WDR91: variants seen among roughly 807,000 people sequenced by gnomAD.
WDR91 encodes the protein WD repeat domain 91, also known as WD repeat-containing protein 91.
In WDR91, 52 loss-of-function variants were observed where a neutral mutation model predicts 88.4. The ratio of observed to expected loss-of-function variants is 0.59; its 90% CI spans 0.47 to 0.74. The LOEUF is 0.74. Among genes scored for constraint, WDR91 ranks in the 30% least tolerant of loss-of-function variants. The pLI, the probability that WDR91 is intolerant of heterozygous loss-of-function variation, is 0.00. For missense variants in WDR91, 824 were observed against 954.5 expected (o/e 0.86, Z 1.80); for synonymous variants, 362 against 389.5 (o/e 0.93, Z 0.83).
At chr7:135,193,996 C>A (rs1399255386) in intron 9 of WDR91, 2 of 298,710 alleles carry the variant, frequency 6.7e-6, no homozygotes, top group Non-Finnish European at 1.3e-5. Flanking sequence ...GAAACCCCAG[C>A]TGTTGGAACC....
At chr7:135,190,660 C>A (rs949436196) in intron 11 of WDR91, among the ~76,000 whole-genome samples, 2 of 141,068 alleles carry the variant, frequency 1.4e-5, no homozygotes, top group African/African-American at 5.0e-5. Context: ...AGACTATAAA[C>A]ACGACAAAGC....
Position 135,209,695 on chromosome 7 carries a change from G to A in WDR91, c.184C>T (p.Arg62Trp), listed in dbSNP as rs756257440. 8.7e-6 allele frequency: 14 copies of A among 1,613,326 alleles called. No individual in the cohort carries two copies. Among genetic ancestry groups the A allele is most frequent in the Non-Finnish European group, 1.1e-5 (13 of 1,179,720 alleles). The part of the protein sequence containing the change: ...LMQVYDLAAL[R>W]DYWSYLERRL... Reference sequence around the variant, plus strand: ...CGCTCCAAGTAGCTCCAATAATCCCGAAGGGCAGCCAAGTCATACACCTGC... The same window carrying A: ...CGCTCCAAGTAGCTCCAATAATCCCAAAGGGCAGCCAAGTCATACACCTGC... The change falls in exon 2 of 15, where the codon CGG (arginine) becomes TGG (tryptophan). Residue 62 changes from arginine to tryptophan, a missense_variant. Coordinates refer to ENST00000354475, the MANE Select transcript of WDR91 (RefSeq NM_014149.4).
At chr7:135,195,457 T>C (rs1319403162) in intron 8 of WDR91, among the ~76,000 whole-genome samples, 1 of 152,276 alleles carries the variant, frequency 6.6e-6, no homozygotes, top group African/African-American at 2.4e-5. Context: ...GAAACCCATC[T>C]ACAGCTGAAA....
intron 8 of WDR91, among the ~76,000 whole-genome samples, chr7:135,195,356 G>C (rs1167549858): frequency 6.6e-6 from 1 of 152,244 alleles, no homozygotes; most frequent in East Asian, 1.9e-4. Context: ...CCTGCCCTGA[G>C]GCCATTTGCA....
At chr7:135,187,687 A>G (rs1371132667) in intron 13 of WDR91, among the ~76,000 whole-genome samples, 1 of 152,198 alleles carries the variant, frequency 6.6e-6, no homozygotes, top group Non-Finnish European at 1.5e-5. Flanking sequence ...TTATAAACTC[A>G]GCTTCTTATC....
intron 6 of WDR91, 35 bp from the exon 7 acceptor site, chr7:135,198,186 C>A: frequency 1.3e-6 from 2 of 1,596,712 alleles, no homozygotes; most frequent in South Asian, 1.1e-5. Context: ...AAGTCTCTTC[C>A]CATCTGCCCA....
intron 4 of WDR91, among the ~76,000 whole-genome samples, chr7:135,206,555 A>G (rs1306970522): frequency 6.6e-6 from 1 of 152,100 alleles, no homozygotes; most frequent in African/African-American, 2.4e-5. Flanking sequence ...TAACAATATC[A>G]CCTAAGGAGA....
At chr7:135,204,225 C>G (rs752461844) in intron 6 of WDR91, 43 bp downstream of exon 6, 1 of 1,602,850 alleles carries the variant, frequency 6.2e-7, no homozygotes, top group East Asian at 2.2e-5. Flanking sequence ...GGAGCTGTCA[C>G]GGCCTTCTTG....
chr7:135,209,910 G>T, intron 1 of WDR91, 155 bp from the exon 2 acceptor site: 1 of 553,022 alleles, frequency 1.8e-6, no homozygotes, highest in East Asian at 3.4e-5. Context: ...CTAATGCAAC[G>T]GTTTTTCAGT....
rs1298452671 is a variant in WDR91, at chr7:135,187,062, C to G, written c.1989G>C (p.Gln663His). The change falls in exon 14 of 15, where the codon CAG (glutamine) becomes CAC (histidine). Residue 663 changes from glutamine to histidine, a missense_variant. Coordinates refer to ENST00000354475, the MANE Select transcript of WDR91 (RefSeq NM_014149.4). ...AGAGTCGGCCCCTGGGGACTTGAAC[C>G]TGCTTGTAGCCGCTGTATCCAGACA... ...FVLSGYSGYK[Q>H]VQVPRGRLFA... 2.5e-6 allele frequency: 4 copies of G among 1,614,270 alleles called. No individual in the cohort carries two copies. The highest frequency in any genetic ancestry group is 2.5e-6 in the Non-Finnish European group (3 of 1,180,056).
chr7:135,204,243 T>C (rs749957531), intron 6 of WDR91, 25 bp downstream of exon 6: 1 of 1,610,218 alleles, frequency 6.2e-7, no homozygotes, highest in Admixed American at 1.7e-5. Flanking sequence ...TTGGCCAGAG[T>C]TAGAGAGGCA....
chr7:135,195,065 T>A lies in WDR91; in HGVS notation c.1264A>T (p.Arg422Ter). The A allele has an allele frequency of 6.2e-7, 1 of 1,613,446 alleles. No homozygotes were observed. The highest frequency in any genetic ancestry group is 1.7e-4 in the Middle Eastern group (1 of 5,862). Residue 422 changes from arginine to a stop codon, truncating the protein, a stop_gained, in exon 9 of 15, where the codon AGA becomes TGA. Coordinates refer to ENST00000354475, the MANE Select transcript of WDR91 (RefSeq NM_014149.4). LOFTEE classifies it high-confidence loss of function. Reference protein sequence around the residue: ...MHCRVDCSGRRVASLDVDGVI... With the variant: ...MHCRVDCSGR ...CCATCTACGTCTAAGCTGGCGACTC[T>A]CCTCCCAGAGCAGTCCACTCTGAGA...
rs1163019493 is a variant in WDR91 at position 135,188,533 on chromosome 7, T to A, written c.1781A>T (p.His594Leu). The change falls in exon 13 of 15, where the codon CAT becomes CTT. Residue 594 changes from histidine to leucine, a missense_variant. His to Leu is a moderately conservative substitution (Grantham distance 99). Transcript: ENST00000354475. ...GVIRLFDMQQHECAMSWRAHY... is the reference protein window; with the variant it reads ...GVIRLFDMQQLECAMSWRAHY... ...GGCCCTCCAGCTCATCGCGCACTCA[T>A]GCTGCTGCATGTCTGAGGCAATGAG... The A allele has an allele frequency of 3.1e-6, 5 of 1,613,466 alleles. No individual in the cohort carries two copies. The highest frequency in any genetic ancestry group is 4.2e-6 in the Non-Finnish European group (5 of 1,179,934).
At chr7:135,211,317 G>C (rs1832009708) in intron 1 of WDR91, 63 bp downstream of exon 1, 1 of 1,552,674 alleles carries the variant, frequency 6.4e-7, no homozygotes, top group African/African-American at 1.4e-5. Flanking sequence ...AGTGCTGGGG[G>C]GAAGCCCGCT....
chr7:135,186,368 A>G, intron 14 of WDR91, 53 bp from the exon 15 acceptor site: 2 of 1,568,298 alleles, frequency 1.3e-6, no homozygotes, highest in South Asian at 1.2e-5. Flanking sequence ...AGTTACACAC[A>G]CTTGATCCAC....
chr7:135,206,138 A>C, intron 4 of WDR91, 80 bp from the exon 5 acceptor site: 2 of 1,587,546 alleles, frequency 1.3e-6, no homozygotes, highest in Non-Finnish European at 1.7e-6. Context: ...GACACATCGC[A>C]TCCAAGCCCA....
In WDR91 at chr7:135,189,510, C is replaced by G; in HGVS notation, c.1660-58G>C. The G allele has an allele frequency of 2.1e-6, 3 of 1,446,512 alleles. No homozygotes were observed. In the South Asian group the frequency reaches 3.5e-5, roughly 17 times the overall value. The allele number at this position is 1,446,512 out of a possible 1,614,324, so 89.6% of individuals were successfully genotyped here. A position where few individuals can be genotyped will look rare whatever the true frequency, so the allele number is the denominator to read the frequency against. ...ATCTTCACTCAGCCCAGGCACGCTG[C>G]TTATTCCAATGCAGACAGGTGCCCC... On this transcript the variant is annotated intron_variant, in intron 11 of 14. Coordinates refer to ENST00000354475, the MANE Select transcript of WDR91 (RefSeq NM_014149.4).
At position 135,188,535 on chromosome 7, in the gene WDR91, C is replaced by A; in HGVS notation, c.1779G>T (p.Gln593His). Residue 593 changes from glutamine (Q) to histidine (H), a missense_variant, in exon 13 of 15, where the codon CAG becomes CAT. Physicochemically the swap from Gln to His is conservative, Grantham distance 24 (BLOSUM62 0). Transcript: ENST00000354475. ...CCCTCCAGCTCATCGCGCACTCATGCTGCTGCATGTCTGAGGCAATGAGAC... is the reference window on the plus strand; with the variant it reads ...CCCTCCAGCTCATCGCGCACTCATGATGCTGCATGTCTGAGGCAATGAGAC... Reference protein sequence around the residue: ...DGVIRLFDMQQHECAMSWRAH... With the variant: ...DGVIRLFDMQHHECAMSWRAH... 6.2e-7 allele frequency: 1 copy of A among 1,613,432 alleles called. No homozygotes were observed. Among genetic ancestry groups the A allele is most frequent in the Non-Finnish European group, 8.5e-7 (1 of 1,179,920 alleles).
intron 3 of WDR91, among the ~76,000 whole-genome samples, chr7:135,208,209 T>C (rs888082612): frequency 6.6e-6 from 1 of 152,174 alleles, no homozygotes; most frequent in Non-Finnish European, 1.5e-5. Flanking sequence ...CCTTGGGAGC[T>C]CTGGCTTGTA....
Sources: allele counts gnomAD v4.1 joint callset (sites outside exome capture counted in the v4.1 genomes callset), GRCh38; gene constraint gnomAD v4.1.1; transcripts MANE v1.5; gene names NCBI Gene and HGNC (gene_info 2026-07-23, HGNC 2026-07-21).